The following AKT3 variants were observed in gnomAD, a reference collection of about 807,000 sequenced individuals.
AKT3 encodes the protein RAC-gamma serine/threonine-protein kinase.
In AKT3, 15 loss-of-function variants were observed where a neutral mutation model predicts 65.3. That is an observed-to-expected ratio of 0.23 (90% CI 0.15 to 0.35). The LOEUF (loss-of-function observed/expected upper bound fraction) is 0.35. Ranked by LOEUF, AKT3 falls within the 10% of genes least tolerant of loss-of-function variation. The pLI is 1.00. For missense variants in AKT3, 243 were observed against 576.5 expected (o/e 0.42, Z 5.92); for synonymous variants, 206 against 183.8 (o/e 1.12, Z -0.98).
intron 2 of AKT3, among the ~76,000 whole-genome samples, chr1:243,750,886 A>T (rs1688771671): frequency 6.6e-6 from 1 of 152,070 alleles, no homozygotes; most frequent in Non-Finnish European, 1.5e-5. Context: ...CTAGCCAATT[A>T]AGGCCAATAC....
chr1:243,606,054 G>C (rs1367773341), intron 8 of AKT3, among the ~76,000 whole-genome samples: 1 of 152,114 alleles, frequency 6.6e-6, no homozygotes, highest in Admixed American at 6.5e-5. Flanking sequence ...CACGATTGTA[G>C]GTTTCCTAAG....
At chr1:243,656,607 G>A (rs1572113220) in intron 4 of AKT3, among the ~76,000 whole-genome samples, 1 of 152,214 alleles carries the variant, frequency 6.6e-6, no homozygotes, top group Non-Finnish European at 1.5e-5. Flanking sequence ...CAAAGGATAC[G>A]AGGTGTTCCT....
At chr1:243,606,913 T>C (rs1677471354) in intron 8 of AKT3, among the ~76,000 whole-genome samples, 1 of 152,338 alleles carries the variant, frequency 6.6e-6, no homozygotes, top group Admixed American at 6.5e-5. Context: ...AAGGGACCAA[T>C]GTACAGCTCA....
chr1:243,600,423 T>A (rs748872646), intron 8 of AKT3, among the ~76,000 whole-genome samples: 15 of 152,168 alleles, frequency 9.9e-5, no homozygotes, highest in Admixed American at 3.3e-4. Flanking sequence ...AAAGTAAGTG[T>A]GTGGCATAGT....
intron 3 of AKT3, among the ~76,000 whole-genome samples, chr1:243,668,216 T>C (rs1258939182): frequency 1.3e-5 from 2 of 152,138 alleles, no homozygotes; most frequent in Non-Finnish European, 2.9e-5. Flanking sequence ...ATAGTAATAA[T>C]CCAACAAAGA....
chr1:243,734,912 T>A (rs1158759721), intron 2 of AKT3: 2 of 152,304 alleles, frequency 1.3e-5, no homozygotes, highest in Admixed American at 6.5e-5. Flanking sequence ...TTTTACCTTT[T>A]TTGTTAAAAA....
intron 2 of AKT3, among the ~76,000 whole-genome samples, chr1:243,761,427 AC>A (rs1237844164): frequency 1.3e-5 from 2 of 152,210 alleles, no homozygotes; most frequent in Non-Finnish European, 2.9e-5. Context: ...CTCAGTAAAA[AC>A]ATCCTTTAAA....
intron 3 of AKT3, among the ~76,000 whole-genome samples, chr1:243,680,265 G>A (rs1310297341): frequency 1.3e-5 from 2 of 152,152 alleles, no homozygotes; most frequent in Non-Finnish European, 2.9e-5. Context: ...AGACTATTGT[G>A]CTGACAATTA....
intron 2 of AKT3, among the ~76,000 whole-genome samples, chr1:243,773,192 CAT>C (rs1245041132): frequency 6.9e-6 from 1 of 145,698 alleles, no homozygotes; most frequent in East Asian, 2.0e-4. Context: ...ATAATAAAAA[CAT>C]ATATATATAA....
chr1:243,550,260 G>A (rs749264594), intron 11 of AKT3, among the ~76,000 whole-genome samples: 16 of 152,074 alleles, frequency 1.1e-4, no homozygotes, highest in South Asian at 2.1e-4. Flanking sequence ...AGCAGTGGAG[G>A]GGCTTGACAC....
intron 2 of AKT3, among the ~76,000 whole-genome samples, chr1:243,838,569 T>C (rs1558861094): frequency 2.0e-5 from 3 of 152,242 alleles, no homozygotes; most frequent in South Asian, 4.1e-4. Flanking sequence ...AAAATGTAAA[T>C]TGTTTTCTGT....
At chr1:243,647,046 C>T (rs563715341) in intron 4 of AKT3, among the ~76,000 whole-genome samples, 2 of 152,138 alleles carry the variant, frequency 1.3e-5, no homozygotes, top group African/African-American at 2.4e-5. Flanking sequence ...GGGAAAACTA[C>T]CATCGTAATC....
At chr1:243,639,770 C>A (rs1680236158) in intron 5 of AKT3, among the ~76,000 whole-genome samples, 1 of 152,124 alleles carries the variant, frequency 6.6e-6, no homozygotes, top group African/African-American at 2.4e-5. Flanking sequence ...CAACCAGTAG[C>A]CATCAGGGCT....
intron 1 of AKT3, among the ~76,000 whole-genome samples, chr1:243,844,587 C>T (rs1264331464): frequency 6.6e-6 from 1 of 152,138 alleles, no homozygotes; most frequent in Admixed American, 6.5e-5. Context: ...GCAATCCTCC[C>T]ACCTCAGCCT....
chr1:243,597,838 T>C (rs143840689), intron 8 of AKT3, among the ~76,000 whole-genome samples: 3 of 152,326 alleles, frequency 2.0e-5, no homozygotes, highest in Non-Finnish European at 2.9e-5. Flanking sequence ...GCTCATGTAG[T>C]ATACTAAGCA....
At chr1:243,542,256 T>C (rs1356489340) in intron 12 of AKT3, among the ~76,000 whole-genome samples, 1 of 152,178 alleles carries the variant, frequency 6.6e-6, no homozygotes, top group Non-Finnish European at 1.5e-5. Context: ...AGCTTGAAGG[T>C]AGTTAAAGGA....
intron 3 of AKT3, among the ~76,000 whole-genome samples, chr1:243,674,509 A>ACAGAGGTAGAGGAAAAGTTTCC (rs1278546514): frequency 6.6e-6 from 1 of 152,224 alleles, no homozygotes; most frequent in Non-Finnish European, 1.5e-5. Context: ...TACAGTAAAT[A>ACAGAGGTAGAGGAAAAGTTTCC]CAGAGGTAGA....
intron 2 of AKT3, among the ~76,000 whole-genome samples, chr1:243,831,011 G>A (rs1453636133): frequency 6.6e-6 from 1 of 152,104 alleles, no homozygotes; most frequent in Non-Finnish European, 1.5e-5. Context: ...ACTCTCTCCT[G>A]AACATTAGGC....
At chr1:243,810,422 C>A (rs1009547316) in intron 2 of AKT3, among the ~76,000 whole-genome samples, 2 of 152,150 alleles carry the variant, frequency 1.3e-5, no homozygotes, top group Non-Finnish European at 2.9e-5. Context: ...ACTAGAAAAT[C>A]TAGAAGAAAC....
Sources: gnomAD v4.1 joint callset for allele counts (sites outside exome capture counted in the v4.1 genomes callset) on GRCh38, gnomAD v4.1.1 for gene constraint, MANE v1.5 for transcripts, NCBI Gene and HGNC (gene_info 2026-07-23, HGNC 2026-07-21) for gene names.